PAK4: variants seen among roughly 807,000 people sequenced by gnomAD.
The protein encoded by PAK4 is p21 (RAC1) activated kinase 4, also known as serine/threonine-protein kinase PAK 4.
PAK4 carries 49 observed loss-of-function variants against 53.5 expected under a neutral mutation model. That is an observed-to-expected ratio of 0.92 (90% CI 0.73 to 1.16). The LOEUF is 1.16. PAK4 is among the 50% of genes most tolerant of loss of function. The pLI, the probability that PAK4 is intolerant of heterozygous loss-of-function variation, is 0.00. For missense variants in PAK4, 824 were observed against 850.7 expected (o/e 0.97, Z 0.39); for synonymous variants, 376 against 375.6 (o/e 1.00, Z -0.01).
chr19:39,157,220 G>A lies in PAK4; in HGVS notation c.-22-12312G>A, dbSNP rs58490991. The stretch of plus-strand genomic sequence containing the variant: ...GCCTACTGTGTGTGGTTTTGGGGTC[G>A]GGGGGGTGCCTCCTAGTGTAGCTTT... On this transcript the variant is annotated intron_variant, in intron 1 of 8. Coordinates refer to ENST00000358301, the Ensembl canonical transcript of PAK4. Among the ~76,000 whole-genome samples the A allele has an allele frequency of 8.5e-3, 1,237 of 146,364 alleles. 26 individuals are homozygous for A. Among genetic ancestry groups the A allele is most frequent in the African/African-American group, 0.032 (1,161 of 36,190 alleles).
Position 39,162,400 on chromosome 19 carries a change from C to T in PAK4, c.-22-7132C>T, listed in dbSNP as rs142470626. Among the ~76,000 whole-genome samples the T allele has an allele frequency of 9.7e-3, 1,477 of 152,328 alleles. 10 individuals are homozygous for T. Among genetic ancestry groups the T allele is most frequent in the Non-Finnish European group, 0.016 (1,105 of 68,030 alleles). On this transcript the variant is annotated intron_variant, in intron 1 of 8. Coordinates refer to ENST00000358301, the Ensembl canonical transcript of PAK4. Reference sequence around the variant, plus strand: ...CCTCCTCAGTAGCTGGGACCACAGGCGCACACCACCACACCTGGCTAAATT... The same window carrying T: ...CCTCCTCAGTAGCTGGGACCACAGGTGCACACCACCACACCTGGCTAAATT...
At chr19:39,169,883 G>A in intron 2 of PAK4, 126 bp downstream of exon 3, 2 of 701,736 alleles carry the variant, frequency 2.9e-6, no homozygotes, top group Non-Finnish European at 4.7e-6. Flanking sequence ...ACAAACCCCA[G>A]CCTTCCACCC....
chr19:39,171,871 G>C (rs1172079191), intron 2 of PAK4, among the ~76,000 whole-genome samples: 1 of 152,210 alleles, frequency 6.6e-6, no homozygotes, highest in African/African-American at 2.4e-5. Context: ...AAAGTTCACT[G>C]AGCCCCTGCT....
chr19:39,149,555 T>C (rs1333430145), intron 1 of PAK4, among the ~76,000 whole-genome samples: 3 of 152,146 alleles, frequency 2.0e-5, no homozygotes, highest in Admixed American at 1.3e-4. Context: ...ACCCGGTCTC[T>C]TTTAAAATAT....
At position 39,175,480 on chromosome 19, in the gene PAK4, G is replaced by A. The variant is rs371139581; in HGVS notation, c.1359+42G>A. 1,520 of 1,556,984 alleles carry A rather than the reference G, an allele frequency of 9.8e-4. 1 individual carries two copies. The highest frequency in any genetic ancestry group is 1.2e-3 in the Non-Finnish European group (1,404 of 1,146,592). On this transcript the variant is annotated intron_variant, in intron 6 of 8. Transcript: ENST00000358301. The surrounding 1 kb of genome is among the most constrained non-coding windows in gnomAD (Gnocchi z 4.7). Reference sequence around the variant, plus strand: ...CGGGGTACGGGGGCGGCAGGTTTCCGGCTGCGGGGCTTCCCTGCCTCTTCC... The same window carrying A: ...CGGGGTACGGGGGCGGCAGGTTTCCAGCTGCGGGGCTTCCCTGCCTCTTCC...
At chr19:39,126,381 A>G (rs1241170973) in intron 1 of PAK4, among the ~76,000 whole-genome samples, 3 of 134,088 alleles carry the variant, frequency 2.2e-5, no homozygotes, top group Non-Finnish European at 4.6e-5. Flanking sequence ...TGAGAATCTG[A>G]CAGCGGGGCA....
chr19:39,174,533 G>A (rs532340769), intron 4 of PAK4, among the ~76,000 whole-genome samples: 1 of 151,720 alleles, frequency 6.6e-6, no homozygotes, highest in African/African-American at 2.4e-5. Flanking sequence ...GGCCCCTCTC[G>A]ACCCCGTTGC....
At chr19:39,177,587 A>G (rs963299601) in intron 7 of PAK4, 88 bp from the exon 9 acceptor site, 4 of 1,388,802 alleles carry the variant, frequency 2.9e-6, no homozygotes, top group African/African-American at 3.0e-5. Context: ...AGAGGCAGAG[A>G]CAGCGCTGGA....
chr19:39,142,126 G>A (rs78395398), intron 1 of PAK4, among the ~76,000 whole-genome samples: 2,630 of 152,262 alleles, frequency 0.017, 40 homozygotes, highest in Middle Eastern at 0.041. Context: ...ACAGGTGTGC[G>A]CCGTCATGCT....
intron 4 of PAK4, among the ~76,000 whole-genome samples, chr19:39,174,256 C>G (rs1369365969): frequency 6.6e-6 from 1 of 151,892 alleles, no homozygotes; most frequent in Non-Finnish European, 1.5e-5. Context: ...CCACTGACCC[C>G]CGACCCAGTG....
downstream of PAK4, chr19:39,181,914 T>TCG (rs1814001779): frequency 6.6e-6 from 1 of 152,108 alleles, no homozygotes; most frequent in South Asian, 2.1e-4. Flanking sequence ...CCAGCGGTTC[T>TCG]CACAGTGTGG....
At chr19:39,155,617 T>A (rs1444287491) in intron 1 of PAK4, among the ~76,000 whole-genome samples, 1 of 152,194 alleles carries the variant, frequency 6.6e-6, no homozygotes, top group East Asian at 1.9e-4. Context: ...GGAGGTGGGA[T>A]TTGAAGGGGA....
intron 1 of PAK4, among the ~76,000 whole-genome samples, 179 bp from the exon 3 acceptor site, chr19:39,169,353 T>A (rs904727888): frequency 3.3e-5 from 5 of 151,898 alleles, no homozygotes; most frequent in Non-Finnish European, 5.9e-5. Flanking sequence ...TGCTCACGGG[T>A]ACCCTCTGGC....
At position 39,143,592 on chromosome 19, in the gene PAK4, CAAAAAAAAAAA is replaced by C. The variant is rs544304301; in HGVS notation, c.-23+17694_-23+17704del. 6.8e-3 allele frequency among the ~76,000 whole-genome samples: 139 copies of C among 20,448 alleles called. 1 individual carries two copies. In the South Asian group the frequency reaches 0.095, roughly 14 times the overall value. 13.4% of individuals were successfully genotyped at this position (20,448 alleles called of 152,430 possible). ...TGGGTGACAGAGCAAGACTCTGTCT[CAAAAAAAAAAA>C]AAAAAAAAAAAAAAAAAAAAGAATT... On this transcript the variant is annotated intron_variant, in intron 1 of 8. Transcript: ENST00000358301.
intron 1 of PAK4, among the ~76,000 whole-genome samples, chr19:39,158,920 TTTG>T (rs2074238913): frequency 6.6e-6 from 1 of 152,188 alleles, no homozygotes; most frequent in Non-Finnish European, 1.5e-5. Flanking sequence ...CTGTAGTGTG[TTTG>T]TTCATTCATT....
intron 1 of PAK4, among the ~76,000 whole-genome samples, chr19:39,163,626 C>G (rs2074320776): frequency 6.6e-6 from 1 of 152,158 alleles, no homozygotes; most frequent in East Asian, 1.9e-4. Context: ...TTAAAGAATT[C>G]AAAAGATTTT....
chr19:39,148,466 C>CTTTTTTTTTTTCTTTTTTTTT (rs2074040393), intron 1 of PAK4, among the ~76,000 whole-genome samples: 1 of 56,786 alleles, frequency 1.8e-5, no homozygotes, highest in African/African-American at 7.6e-5. Context: ...GTTTCTTCTG[C>CTTTTTTTTTTTCTTTTTTTTT]TTTTTTTTTT....
intron 7 of PAK4, among the ~76,000 whole-genome samples, chr19:39,177,184 G>A (rs897588216): frequency 2.6e-5 from 4 of 152,212 alleles, no homozygotes; most frequent in African/African-American, 9.6e-5. Context: ...TGCCTTCTGA[G>A]CATTGTTTTC....
intron 1 of PAK4, among the ~76,000 whole-genome samples, chr19:39,164,677 GTGGGCAGGACTCTGGAA>G (rs2074340409): frequency 6.6e-6 from 1 of 152,274 alleles, no homozygotes; most frequent in African/African-American, 2.4e-5. Context: ...GAACTCTGGA[GTGGGCAGGACTCTGGAA>G]TGGGCAGGAC....
Sources: gnomAD v4.1 joint callset for allele counts (sites outside exome capture counted in the v4.1 genomes callset) on GRCh38, gnomAD v4.1.1 for gene constraint, Gnocchi (gnomAD v3.1) non-coding constraint, MANE v1.5 for transcripts, NCBI Gene and HGNC (gene_info 2026-07-23, HGNC 2026-07-21) for gene names.